The following NLGN3 variants were observed in gnomAD, a reference collection of about 807,000 sequenced individuals.
NLGN3 encodes the protein neuroligin-3.
In NLGN3, 11 loss-of-function variants were observed where a neutral mutation model predicts 42.9. The ratio of observed to expected loss-of-function variants is 0.26; its 90% CI spans 0.16 to 0.42. The LOEUF is 0.42. NLGN3 is among the 10% of genes least tolerant of loss of function. The pLI is 1.00. For synonymous variants in NLGN3, 279 were observed against 312.7 expected (o/e 0.89, Z 1.14); for missense variants, 374 against 733.8 (o/e 0.51, Z 5.67).
At chrX:71,149,785 T>C (rs1001727976) in intron 3 of NLGN3, among the ~76,000 whole-genome samples, 1 of 110,792 alleles carries the variant, frequency 9.0e-6, no homozygotes, top group African/African-American at 3.3e-5. Flanking sequence ...CTTTCCACTG[T>C]AGCACACAGA....
At chrX:71,160,971 C>T (rs1263019692) in intron 5 of NLGN3, among the ~76,000 whole-genome samples, 2 of 112,128 alleles carry the variant, frequency 1.8e-5, no homozygotes, top group Non-Finnish European at 3.8e-5. Context: ...CACATGGTTT[C>T]TGTGGATGGT....
rs1238804719 is a variant in NLGN3, at chrX:71,147,735, C to T, written c.-15C>T. ...CCTGGAGTCTGCCTCTCCTGCCAGT[C>T]CCCCTGCCCGGAACATGTGGCTGCG... is the stretch of plus-strand genomic sequence containing the variant. On this transcript the variant is annotated 5_prime_UTR_variant, in exon 2 of 8. Coordinates refer to ENST00000358741, the MANE Select transcript of NLGN3 (RefSeq NM_181303.2). 1 of 1,196,812 alleles carries T rather than the reference C, an allele frequency of 8.4e-7. No homozygotes were observed. The highest frequency in any genetic ancestry group is 2.2e-5 in the Admixed American group (1 of 45,268).
chrX:71,151,257 C>T (rs868770173), intron 3 of NLGN3, among the ~76,000 whole-genome samples: 6 of 108,974 alleles, frequency 5.5e-5, no homozygotes, highest in South Asian at 4.1e-4. Context: ...TGCAGTGAGC[C>T]GAGGTGGTGC....
chrX:71,171,683 T>C, downstream of NLGN3: 10 of 747,524 alleles, frequency 1.3e-5, no homozygotes, highest in Non-Finnish European at 1.6e-5. Context: ...TCCCTGGCCT[T>C]GAGTGACTGA....
chrX:71,162,746 CTGTT>C (rs1369005299), intron 5 of NLGN3, among the ~76,000 whole-genome samples: 12 of 112,176 alleles, frequency 1.1e-4, no homozygotes, highest in Admixed American at 1.9e-4. Flanking sequence ...GGTCTTGTGA[CTGTT>C]TGAGTCTATT....
chrX:71,145,576 T>C (rs1307228334), intron 1 of NLGN3, among the ~76,000 whole-genome samples: 2 of 108,589 alleles, frequency 1.8e-5, no homozygotes, highest in African/African-American at 6.7e-5. Context: ...TTCTCCCAAA[T>C]TGCAAGTTGG....
intron 7 of NLGN3, among the ~76,000 whole-genome samples, chrX:71,168,552 G>A (rs1173906533): frequency 9.2e-6 from 1 of 108,692 alleles, no homozygotes; most frequent in Non-Finnish European, 1.9e-5. Flanking sequence ...CCAACATGGT[G>A]AAACACCGTC....
At position 71,161,588 on chromosome X, in the gene NLGN3, AC is replaced by A. The variant is rs755721296; in HGVS notation, c.728-2554del. Among the ~76,000 whole-genome samples, 4 of 108,953 alleles carry A rather than the reference AC, an allele frequency of 3.7e-5. No individual in the cohort carries two copies. In the South Asian group the frequency reaches 1.2e-3, roughly 33 times the overall value. The allele number at this position is 108,953 out of a possible 115,157, so 94.6% of individuals were successfully genotyped here. A position where few individuals can be genotyped will look rare whatever the true frequency, so the allele number is the denominator to read the frequency against. On this transcript the variant is annotated intron_variant, in intron 5 of 7. Transcript: ENST00000358741. ...CAGGAGTTCAAGACCAGCCTGGCCA[AC>A]ATGGCGAAACCCCATCTCTATTAAA...
intron 6 of NLGN3, among the ~76,000 whole-genome samples, chrX:71,165,786 G>A (rs916357131): frequency 9.0e-6 from 1 of 111,350 alleles, no homozygotes; most frequent in Non-Finnish European, 1.9e-5. Context: ...TGCCTACCTC[G>A]GCCTCCCAAA....
At chrX:71,159,889 T>C (rs749503309) in intron 5 of NLGN3, among the ~76,000 whole-genome samples, 2 of 81,362 alleles carry the variant, frequency 2.5e-5, no homozygotes, top group Non-Finnish European at 4.2e-5. Flanking sequence ...CACGCCCAGC[T>C]ATTTTTTTTT....
chrX:71,154,453 C>A (rs1400986141), intron 4 of NLGN3, among the ~76,000 whole-genome samples: 1 of 112,581 alleles, frequency 8.9e-6, no homozygotes, highest in Non-Finnish European at 1.9e-5. Context: ...GCCGCCTGGG[C>A]TCGGGAGCAG....
rs1307401700 is a variant in NLGN3, at chrX:71,167,449, G to A, written c.1352G>A (p.Arg451Gln). ...TATCCTGAGGGTAAGGACACCCTGC[G>A]AGAGACCATCAAGTTCATGTATACA... ...YGYPEGKDTL[R>Q]ETIKFMYTDW... Residue 451 changes from arginine to glutamine, a missense_variant, in exon 7 of 8, where the codon CGA (arginine) becomes CAA (glutamine). By Grantham distance (43) the Arg-to-Gln change is conservative (BLOSUM62 1). Around this residue, in one of 6 missense-constraint regions of NLGN3, gnomAD observed 142 missense variants for 359.1 expected, o/e 0.40. Coordinates refer to ENST00000358741, the MANE Select transcript of NLGN3 (RefSeq NM_181303.2). 2.5e-6 allele frequency: 3 copies of A among 1,211,210 alleles called. No homozygotes were observed. The highest frequency in any genetic ancestry group is 3.4e-6 in the Non-Finnish European group (3 of 895,293).
intron 6 of NLGN3, among the ~76,000 whole-genome samples, chrX:71,166,730 AG>A (rs1230746806): frequency 8.9e-6 from 1 of 111,921 alleles, no homozygotes; most frequent in African/African-American, 3.2e-5. Flanking sequence ...AGGCGGCATA[AG>A]GGGGCTGATG....
downstream of NLGN3, among the ~76,000 whole-genome samples, chrX:71,174,418 A>G (rs1402243678): frequency 1.8e-5 from 2 of 112,118 alleles, no homozygotes; most frequent in Non-Finnish European, 3.8e-5. Flanking sequence ...ACAGATGGGA[A>G]AAGGTAAACT....
rs1172866618 is a variant in NLGN3 at position 71,167,818 on chromosome X, T to A, written c.1703+18T>A. On this transcript the variant is annotated intron_variant, in intron 7 of 7. Transcript: ENST00000358741. ...AAGACTGGGTAAGGAGAAAATAGGG[T>A]TTTTTTCCTCTTTGAGACCCCAGCA... The A allele has an allele frequency of 2.5e-6, 3 of 1,185,732 alleles. No homozygotes were observed. The highest frequency in any genetic ancestry group is 2.2e-5 in the Admixed American group (1 of 45,517).
chrX:71,159,578 C>T (rs955850779), intron 5 of NLGN3, among the ~76,000 whole-genome samples: 1 of 111,421 alleles, frequency 9.0e-6, no homozygotes. Context: ...CTCACCACTT[C>T]CTGCACACCC....
At position 71,159,818 on chromosome X, in the gene NLGN3, G is replaced by A. The variant is rs753990441; in HGVS notation, c.728-4325G>A. 6.4e-4 allele frequency among the ~76,000 whole-genome samples: 69 copies of A among 107,376 alleles called. 1 individual carries two copies. The highest frequency in any genetic ancestry group is 1.2e-3 in the Non-Finnish European group (65 of 52,042). 93.2% of individuals were successfully genotyped at this position (107,376 alleles called of 115,157 possible). A position where few individuals can be genotyped will look rare whatever the true frequency, so the allele number is the denominator to read the frequency against. ...CAGCTCACTGCCAACCTCTGCCGCC[G>A]GGTTCAAGCGATTCTCGTGCCTCAG... is the stretch of plus-strand genomic sequence containing the variant. On this transcript the variant is annotated intron_variant, in intron 5 of 7. Coordinates refer to ENST00000358741, the MANE Select transcript of NLGN3 (RefSeq NM_181303.2).
At chrX:71,146,015 G>C (rs1602311357) in intron 1 of NLGN3, among the ~76,000 whole-genome samples, 1 of 94,526 alleles carries the variant, frequency 1.1e-5, no homozygotes, top group African/African-American at 4.0e-5. Flanking sequence ...GGTGCATTCT[G>C]GGCAGTGTCT....
Position 71,170,073 on chromosome X carries a change from C to G in NLGN3, c.2523C>G (p.His841Gln). The G allele has an allele frequency of 1.7e-6, 2 of 1,210,578 alleles. No homozygotes were observed. Among genetic ancestry groups the G allele is most frequent in the Non-Finnish European group, 2.2e-6 (2 of 895,215 alleles). Residue 841 changes from histidine (H) to glutamine (Q), a missense_variant, in exon 8 of 8, where the codon CAC becomes CAG. Transcript: ENST00000358741. ...GGTTCAACAGTACCGGGCTGCCCCA[C>G]TCACACTCCACTACCCGGGTATAGC... ...AAGFNSTGLP[H>Q]SHSTTRV is the part of the protein sequence containing the mutation.
Sources: gnomAD v4.1 joint callset for allele counts (sites outside exome capture counted in the v4.1 genomes callset) on GRCh38, gnomAD v4.1.1 for gene constraint, gnomAD v4.1.1 regional missense constraint, MANE v1.5 for transcripts, NCBI Gene and HGNC (gene_info 2026-07-23, HGNC 2026-07-21) for gene names.